SLC7A3: variants seen among roughly 807,000 people sequenced by gnomAD.
SLC7A3 encodes the protein cationic amino acid transporter 3.
A neutral mutation model predicts 33.2 loss-of-function variants in SLC7A3; 3 were observed. That is an observed-to-expected ratio of 0.09 (90% CI 0.04 to 0.23). The LOEUF is 0.23. SLC7A3 is among the 10% of genes least tolerant of loss of function. The pLI, the probability that SLC7A3 is intolerant of heterozygous loss-of-function variation, is 1.00. For synonymous variants in SLC7A3, 193 were observed against 195.1 expected (o/e 0.99, Z 0.09); for missense variants, 360 against 488.8 (o/e 0.74, Z 2.48).
intron 11 of SLC7A3, 21 bp downstream of exon 11, chrX:70,926,049 T>C (rs776340770): frequency 8.3e-7 from 1 of 1,207,349 alleles, no homozygotes; most frequent in South Asian, 1.8e-5. Context: ...AGAAGCCTAC[T>C]CTTCCCAAGT....
At chrX:70,927,443 T>C (rs1363564858) in intron 7 of SLC7A3, 41 bp downstream of exon 7, 2 of 1,208,744 alleles carry the variant, frequency 1.7e-6, no homozygotes, top group South Asian at 1.8e-5. Context: ...GTTAAAGAAG[T>C]TGGCGAAACA....
Position 70,930,148 on chromosome X carries a change from G to A in SLC7A3, c.-25-126C>T, listed in dbSNP as rs1239114303. ...GAAATGAGGACGGGGATATGGAAGG[G>A]ACAAAGGCAAGTCACTTTACCTCTA... On this transcript the variant is annotated intron_variant, in intron 1 of 11. Coordinates refer to ENST00000374299, the MANE Select transcript of SLC7A3 (RefSeq NM_032803.6). 6.2e-6 allele frequency: 4 copies of A among 643,818 alleles called. No individual in the cohort carries two copies. The African/African-American group carries it at 8.9e-5, about 14-fold the overall frequency. 53.1% of individuals were successfully genotyped at this position (643,818 alleles called of 1,213,427 possible).
chrX:70,928,351 G>A, intron 4 of SLC7A3, 94 bp from the exon 5 acceptor site: 1 of 1,097,230 alleles, frequency 9.1e-7, no homozygotes, highest in Admixed American at 2.6e-5. Context: ...GGTCTTCAAA[G>A]CCCAGCCTCC....
intron 8 of SLC7A3, 35 bp downstream of exon 8, chrX:70,927,247 A>G (rs374436733): frequency 3.4e-6 from 4 of 1,168,220 alleles, no homozygotes; most frequent in Non-Finnish European, 4.7e-6. Context: ...CAAGAATAAA[A>G]ATCCAAATCA....
chrX:70,928,063 A>G (rs2091901205), intron 5 of SLC7A3, 43 bp from the exon 6 acceptor site: 1 of 1,184,171 alleles, frequency 8.4e-7, no homozygotes. Context: ...AAGCAGGCCC[A>G]CTCCTCTACC....
In SLC7A3 at chrX:70,928,491, G is replaced by A. The variant is rs781579753; in HGVS notation, c.672C>T (p.Tyr224=). 16 of 1,202,791 alleles carry A rather than the reference G, an allele frequency of 1.3e-5. No homozygotes were observed. The Admixed American group carries it at 1.6e-4, about 12-fold the overall frequency. The part of the protein sequence containing the change: ...VHNWKLTEED[Y]ELAMAELNDT... ...CATTGAGTTCAGCCATGGCCAATTC[G>A]TAGTCCTCTTCTGTGAGCTTCCAGT... is the stretch of plus-strand genomic sequence containing the variant. The change falls in exon 4 of 12, where the codon TAC becomes TAT. Residue 224 remains tyrosine (Y), a synonymous_variant. Coordinates refer to ENST00000374299, the MANE Select transcript of SLC7A3 (RefSeq NM_032803.6).
Position 70,928,224 on chromosome X carries a change from A to G in SLC7A3, c.741T>C (p.Pro247=), listed in dbSNP as rs778517486. ...CACGGAGAATTCCCTCGAAGCCGAA[A>G]GGCACAAATCCTCCAGAGCCCAGAG... ...LGPLGSGGFV[P]FGFEGILRGA... is the part of the protein sequence containing the mutation. Residue 247 remains proline (P), a synonymous_variant, in exon 5 of 12, where the codon CCT becomes CCC. Coordinates refer to ENST00000374299, the MANE Select transcript of SLC7A3 (RefSeq NM_032803.6). 3 of 1,211,730 alleles carry G rather than the reference A, an allele frequency of 2.5e-6. No homozygotes were observed. The highest frequency in any genetic ancestry group is 3.4e-6 in the Non-Finnish European group (3 of 895,334).
chrX:70,927,707 C>T (rs1003496038), intron 6 of SLC7A3, 84 bp from the exon 7 acceptor site: 29 of 1,152,034 alleles, frequency 2.5e-5, no homozygotes, highest in Non-Finnish European at 3.2e-5. Context: ...CTCCACTTTC[C>T]CCTCACAGCC....
In SLC7A3 at chrX:70,926,124, T is replaced by C. The variant is rs750645896; in HGVS notation, c.1675A>G (p.Met559Val). 1 of 1,210,782 alleles carries C rather than the reference T, an allele frequency of 8.3e-7. No homozygotes were observed. The highest frequency in any genetic ancestry group is 1.1e-6 in the Non-Finnish European group (1 of 895,168). ...CAGGTACCAGCTGTCATCTGCATCA[T>C]AAGGTAAATATTCACAAAGATGCTC... The part of the protein sequence containing the change: ...LMSIFVNIYL[M>V]MQMTAGTWAR... Residue 559 changes from methionine to valine, a missense_variant, in exon 11 of 12, where the codon ATG (methionine) becomes GTG (valine). Coordinates refer to ENST00000374299, the MANE Select transcript of SLC7A3 (RefSeq NM_032803.6).
rs1290003094 is a variant in SLC7A3, at chrX:70,928,572, G to A, written c.591C>T (p.Asn197=). The change falls in exon 4 of 12, where the codon AAC becomes AAT. Residue 197 remains asparagine, a synonymous_variant. Coordinates refer to ENST00000374299, the MANE Select transcript of SLC7A3 (RefSeq NM_032803.6). The part of the protein sequence containing the change: ...ALVTKVFTGV[N]LLVLGFVMIS... Reference sequence around the variant, plus strand: ...TCATGACGAACCCAAGAACCAAAAGGTTCACGCCTGTGAACACTTTGGTAA... The same window carrying A: ...TCATGACGAACCCAAGAACCAAAAGATTCACGCCTGTGAACACTTTGGTAA... 5.8e-6 allele frequency: 7 copies of A among 1,206,190 alleles called. No individual in the cohort carries two copies. Among genetic ancestry groups the A allele is most frequent in the African/African-American group, 3.5e-5 (2 of 57,501 alleles).
Position 70,926,977 on chromosome X carries a change from T to C in SLC7A3, c.1351A>G (p.Thr451Ala), listed in dbSNP as rs754807945. The change falls in exon 9 of 12, where the codon ACT (threonine) becomes GCT (alanine). Residue 451 changes from threonine (T) to alanine (A), a missense_variant. Physicochemically the swap from Thr to Ala is moderately conservative, Grantham distance 58. Transcript: ENST00000374299. Reference protein sequence around the residue: ...EVELQEEAITTESEKLTLWGL... With the variant: ...EVELQEEAITAESEKLTLWGL... ...CATAGGGTCAACTTCTCTGATTCAG[T>C]AGTTATTGCCTCCTCCTGCAACTCC... 26 of 1,209,466 alleles carry C rather than the reference T, an allele frequency of 2.1e-5. No individual in the cohort carries two copies. The East Asian group carries it at 7.7e-4, about 36-fold the overall frequency.
chrX:70,926,790 A>C, intron 9 of SLC7A3, 85 bp downstream of exon 9: 1 of 1,162,579 alleles, frequency 8.6e-7, no homozygotes, highest in African/African-American at 1.8e-5. Flanking sequence ...CTCTCTCTCT[A>C]GTTCTTCCTC....
rs746011818 is a variant in SLC7A3, at chrX:70,927,555, C to G, written c.1112G>C (p.Arg371Pro). ...YAMAEDGLLF[R>P]VLARIHTGTR... ...GCCGGTGTGGATCCGAGCAAGTACA[C>G]GGAACAGGAGGCCATCCTCTGCCAT... is the stretch of plus-strand genomic sequence containing the variant. The change falls in exon 7 of 12, where the codon CGT (arginine) becomes CCT (proline). Residue 371 changes from arginine to proline, a missense_variant. Arg to Pro is a moderately radical substitution (Grantham distance 103, BLOSUM62 -2). Transcript: ENST00000374299. 1 of 1,210,425 alleles carries G rather than the reference C, an allele frequency of 8.3e-7. No individual in the cohort carries two copies. Among genetic ancestry groups the G allele is most frequent in the Admixed American group, 2.2e-5 (1 of 45,926 alleles).
chrX:70,928,743 C>G, intron 3 of SLC7A3, 101 bp downstream of exon 3: 1 of 1,138,057 alleles, frequency 8.8e-7, no homozygotes, highest in Non-Finnish European at 1.2e-6. Context: ...TATCACCTCC[C>G]TTAAGCCTTT....
chrX:70,926,897 G>T lies in SLC7A3; in HGVS notation c.1431C>A (p.Val477=). ...CACCAAGCAATGAGGAACAAACATA[G>T]ACAATTTGGCCAGAGAGTGGAGTGG... is the stretch of plus-strand genomic sequence containing the variant. The part of the protein sequence containing the change: ...SIPTPLSGQI[V]YVCSSLLAVL... Residue 477 remains valine (V), a synonymous_variant, in exon 9 of 12, where the codon GTC becomes GTA. Transcript: ENST00000374299. 1 of 1,209,563 alleles carries T rather than the reference G, an allele frequency of 8.3e-7. No homozygotes were observed. The highest frequency in any genetic ancestry group is 1.1e-6 in the Non-Finnish European group (1 of 894,940).
Position 70,928,137 on chromosome X carries a change from T to C in SLC7A3, c.820+8A>G. 1.7e-6 allele frequency: 2 copies of C among 1,201,356 alleles called. No individual in the cohort carries two copies. The highest frequency in any genetic ancestry group is 1.7e-5 in the African/African-American group (1 of 57,589). On this transcript the variant is annotated splice_region_variant and intron_variant, in intron 5 of 11. Coordinates refer to ENST00000374299, the MANE Select transcript of SLC7A3 (RefSeq NM_032803.6). ...CAAGCCCCAAACAGAATGGAATGAC[T>C]GTGTTACCAGTGGTAGCAATACAGT...
chrX:70,927,474 G>A lies in SLC7A3; in HGVS notation c.1183+10C>T. On this transcript the variant is annotated intron_variant, in intron 7 of 11. Coordinates refer to ENST00000374299, the MANE Select transcript of SLC7A3 (RefSeq NM_032803.6). The stretch of plus-strand genomic sequence containing the variant: ...AAACAACTAAGGGAAGGGGAAAGAG[G>A]GTCTGTTACCTGCAATAATGCCAGA... 8.3e-7 allele frequency: 1 copy of A among 1,210,651 alleles called. No individual in the cohort carries two copies. Among genetic ancestry groups the A allele is most frequent in the Non-Finnish European group, 1.1e-6 (1 of 894,930 alleles).
In SLC7A3 at chrX:70,929,892, C is replaced by T; in HGVS notation, c.106G>A (p.Asp36Asn). The change falls in exon 2 of 12, where the codon GAT becomes AAT. Residue 36 changes from aspartate (D) to asparagine (N), a missense_variant. Asp to Asn is a conservative substitution (Grantham distance 23, BLOSUM62 1). Transcript: ENST00000374299. The part of the protein sequence containing the change: ...TRLARCLSTL[D>N]LVALGVGSTL... ...CTGCCCACACCCAGGGCCACTAAATCCAGGGTGCTTAGGCATCTGGCAAGG... is the reference window on the plus strand; with the variant it reads ...CTGCCCACACCCAGGGCCACTAAATTCAGGGTGCTTAGGCATCTGGCAAGG... 8.3e-7 allele frequency: 1 copy of T among 1,211,980 alleles called. No homozygotes were observed. The highest frequency in any genetic ancestry group is 1.1e-6 in the Non-Finnish European group (1 of 895,531).
At position 70,929,633 on chromosome X, in the gene SLC7A3, A is replaced by T; in HGVS notation, c.365T>A (p.Val122Asp). The T allele has an allele frequency of 8.3e-7, 1 of 1,207,382 alleles. No individual in the cohort carries two copies. Among genetic ancestry groups the T allele is most frequent in the Non-Finnish European group, 1.1e-6 (1 of 893,523 alleles). Residue 122 changes from valine to aspartate, a missense_variant, in exon 2 of 12, where the codon GTC (valine) becomes GAC (aspartate). Physicochemically the swap from Val to Asp is radical, Grantham distance 152. Coordinates refer to ENST00000374299, the MANE Select transcript of SLC7A3 (RefSeq NM_032803.6). ...CCTCCCCCACCATATCTCACCAATG[A>T]CATAGGAGAGGATGAGGTTCCAGCC... ...TTGWNLILSY[V>D]IGTASVARAW...
Sources: gnomAD v4.1 joint callset for allele counts on GRCh38, gnomAD v4.1.1 for gene constraint, MANE v1.5 for transcripts, NCBI Gene and HGNC (gene_info 2026-07-23, HGNC 2026-07-21) for gene names.